Variants in GRID2 observed in about 807,000 individuals in gnomAD.
The protein encoded by GRID2 is glutamate ionotropic receptor delta type subunit 2, also known as glutamate receptor ionotropic, delta-2.
Under a neutral mutation model 114.8 loss-of-function variants are expected in GRID2, and 33 were observed. The observed-to-expected ratio is 0.29, with a 90% CI of 0.22 to 0.38. The LOEUF is 0.38. Ranked by LOEUF, GRID2 falls within the 10% of genes least tolerant of loss-of-function variation. GRID2 has a pLI of 1.00. For synonymous variants in GRID2, 505 were observed against 449.9 expected (o/e 1.12, Z -1.55); for missense variants, 1,184 against 1,257.7 (o/e 0.94, Z 0.89).
At chr4:92,646,462 C>A (rs1386362469) in intron 2 of GRID2, among the ~76,000 whole-genome samples, 1 of 152,076 alleles carries the variant, frequency 6.6e-6, no homozygotes, top group Non-Finnish European at 1.5e-5. Context: ...GTTCTTAACA[C>A]TTAAATCTTG....
At chr4:93,332,299 T>TGTGAGAGAGA (rs1332631052) in intron 8 of GRID2, among the ~76,000 whole-genome samples, 13 of 121,038 alleles carry the variant, frequency 1.1e-4, no homozygotes, top group African/African-American at 4.3e-4. Flanking sequence ...TGTGTGTGTG[T>TGTGAGAGAGA]GAGAGAGAGA....
intron 8 of GRID2, among the ~76,000 whole-genome samples, chr4:93,351,372 T>G (rs553265877): frequency 6.6e-6 from 1 of 152,170 alleles, no homozygotes; most frequent in South Asian, 2.1e-4. Flanking sequence ...TCCACAGCTT[T>G]GCAGATTTTA....
chr4:93,587,843 A>T (rs1027484321), intron 13 of GRID2, among the ~76,000 whole-genome samples: 1 of 152,148 alleles, frequency 6.6e-6, no homozygotes, highest in Non-Finnish European at 1.5e-5. Context: ...AGGAAAGAGA[A>T]ATTGAAGTAA....
At chr4:93,257,261 G>T (rs553833004) in intron 8 of GRID2, among the ~76,000 whole-genome samples, 1 of 151,734 alleles carries the variant, frequency 6.6e-6, no homozygotes, top group Non-Finnish European at 1.5e-5. Flanking sequence ...CAGAAATTTT[G>T]ATTGTTTGAT....
chr4:93,054,575 T>A (rs1457083893), intron 2 of GRID2, among the ~76,000 whole-genome samples: 6 of 151,958 alleles, frequency 3.9e-5, no homozygotes, highest in Non-Finnish European at 8.8e-5. Flanking sequence ...CACACTTCAA[T>A]TTAAATCTCA....
chr4:92,922,883 T>G (rs1246612019), intron 2 of GRID2, among the ~76,000 whole-genome samples: 1 of 152,184 alleles, frequency 6.6e-6, no homozygotes, highest in African/African-American at 2.4e-5. Flanking sequence ...TAGGGCTTAC[T>G]TGGGGGAAGA....
intron 1 of GRID2, among the ~76,000 whole-genome samples, chr4:92,488,964 C>A (rs538504485): frequency 6.6e-6 from 1 of 152,254 alleles, no homozygotes; most frequent in East Asian, 1.9e-4. Context: ...ATTTATACCA[C>A]CAATTTATAA....
rs544547581 is a variant in GRID2, at chr4:92,627,269, G to A, written c.244+36983G>A. 1.6e-4 allele frequency among the ~76,000 whole-genome samples: 24 copies of A among 152,114 alleles called. No homozygotes were observed. In the South Asian group the frequency reaches 4.4e-3, roughly 28 times the overall value. ...TAGCAGGGAGAATGAAGGAAGCTAA[G>A]GGTCCAATTTCATAGTAGACTTTAG... On this transcript the variant is annotated intron_variant, in intron 2 of 15. Coordinates refer to ENST00000282020, the MANE Select transcript of GRID2 (RefSeq NM_001510.4).
intron 2 of GRID2, among the ~76,000 whole-genome samples, chr4:92,872,542 TAAG>T (rs980446665): frequency 2.0e-5 from 3 of 152,002 alleles, no homozygotes; most frequent in Admixed American, 6.6e-5. Flanking sequence ...TGATTAAAAA[TAAG>T]AAAATCATTA....
intron 8 of GRID2, among the ~76,000 whole-genome samples, chr4:93,267,635 G>A (rs1015582993): frequency 1.3e-5 from 2 of 152,066 alleles, no homozygotes; most frequent in Non-Finnish European, 2.9e-5. Context: ...TCGCCACCCG[G>A]GTCAAAACCA....
intron 12 of GRID2, among the ~76,000 whole-genome samples, chr4:93,497,218 T>A (rs551616578): frequency 6.6e-6 from 1 of 151,884 alleles, no homozygotes; most frequent in Non-Finnish European, 1.5e-5. Context: ...TATTTTCTAA[T>A]TGGGTTGTTT....
chr4:92,885,882 A>G (rs1426878102), intron 2 of GRID2, among the ~76,000 whole-genome samples: 1 of 152,206 alleles, frequency 6.6e-6, no homozygotes, highest in Non-Finnish European at 1.5e-5. Context: ...TTATGGGTAT[A>G]GTAACTCTCA....
intron 1 of GRID2, among the ~76,000 whole-genome samples, chr4:92,485,407 A>G (rs557370310): frequency 6.8e-6 from 1 of 147,844 alleles, no homozygotes; most frequent in Non-Finnish European, 1.5e-5. Flanking sequence ...ACCATTATAA[A>G]GAGAAAAATA....
At chr4:92,999,169 A>T (rs919161879) in intron 2 of GRID2, among the ~76,000 whole-genome samples, 1 of 151,898 alleles carries the variant, frequency 6.6e-6, no homozygotes, top group Non-Finnish European at 1.5e-5. Context: ...ATCATCCTTA[A>T]TTCTTAGCCT....
intron 1 of GRID2, among the ~76,000 whole-genome samples, chr4:92,568,303 G>C (rs1336980788): frequency 2.0e-5 from 3 of 152,006 alleles, no homozygotes; most frequent in Non-Finnish European, 4.4e-5. Context: ...GATTATAGAA[G>C]ACTCAATAAG....
intron 13 of GRID2, among the ~76,000 whole-genome samples, chr4:93,555,485 G>C (rs181308681): frequency 6.6e-6 from 1 of 152,302 alleles, no homozygotes; most frequent in East Asian, 1.9e-4. Flanking sequence ...TGTAAACAAA[G>C]CTTCCTGGAA....
chr4:92,850,668 T>C (rs1285896552), intron 2 of GRID2, among the ~76,000 whole-genome samples: 1 of 151,902 alleles, frequency 6.6e-6, no homozygotes, highest in East Asian at 1.9e-4. Context: ...GAATCTGAAT[T>C]CCCAAATGAT....
At chr4:92,630,540 T>C (rs182022300) in intron 2 of GRID2, among the ~76,000 whole-genome samples, 107 of 152,276 alleles carry the variant, frequency 7.0e-4, no homozygotes, top group African/African-American at 2.4e-3. Flanking sequence ...GATTCCTCTC[T>C]TTAGTTCTTC....
At chr4:93,009,593 A>G (rs898401194) in intron 2 of GRID2, among the ~76,000 whole-genome samples, 1 of 151,994 alleles carries the variant, frequency 6.6e-6, no homozygotes, top group Non-Finnish European at 1.5e-5. Flanking sequence ...TAAATCTCCT[A>G]TTTATTCTAA....
Sources: gnomAD v4.1 joint callset for allele counts (sites outside exome capture counted in the v4.1 genomes callset) on GRCh38, gnomAD v4.1.1 for gene constraint, MANE v1.5 for transcripts, NCBI Gene and HGNC (gene_info 2026-07-23, HGNC 2026-07-21) for gene names.